The following CHCHD3 variants were observed in gnomAD, a reference collection of about 807,000 sequenced individuals.
CHCHD3 encodes the protein coiled-coil-helix-coiled-coil-helix domain containing 3.
CHCHD3 carries 20 observed loss-of-function variants against 38.2 expected under a neutral mutation model. That is an observed-to-expected ratio of 0.52 (90% CI 0.37 to 0.76). The LOEUF is 0.76. CHCHD3 is among the 30% of genes least tolerant of loss of function. The pLI is 0.00. For synonymous variants in CHCHD3, 82 were observed against 100.0 expected (o/e 0.82, Z 1.07); for missense variants, 245 against 279.2 (o/e 0.88, Z 0.87).
chr7:133,072,655 T>C (rs966119519), intron 1 of CHCHD3, among the ~76,000 whole-genome samples: 1 of 151,892 alleles, frequency 6.6e-6, no homozygotes, highest in Non-Finnish European at 1.5e-5. Context: ...CTGGCTAACA[T>C]GGTGAAACCC....
chr7:132,889,380 A>G (rs1809304311), intron 4 of CHCHD3, among the ~76,000 whole-genome samples: 1 of 152,142 alleles, frequency 6.6e-6, no homozygotes, highest in South Asian at 2.1e-4. Flanking sequence ...TTTAGAAAAC[A>G]CTAAGAGAAT....
At chr7:132,789,067 C>T (rs1192831019) in intron 7 of CHCHD3, among the ~76,000 whole-genome samples, 2 of 152,130 alleles carry the variant, frequency 1.3e-5, no homozygotes, top group Non-Finnish European at 2.9e-5. Flanking sequence ...TGGAGGGATC[C>T]GTAGTCTGGT....
At chr7:132,990,836 C>A (rs1812258737) in intron 3 of CHCHD3, among the ~76,000 whole-genome samples, 1 of 151,904 alleles carries the variant, frequency 6.6e-6, no homozygotes, top group South Asian at 2.1e-4. Context: ...TTTCAAAAGA[C>A]CTTCCAACTT....
chr7:132,800,722 T>C (rs1020279151), intron 6 of CHCHD3, among the ~76,000 whole-genome samples: 6 of 151,944 alleles, frequency 3.9e-5, no homozygotes, highest in African/African-American at 1.2e-4. Context: ...TCCCTGTACC[T>C]GAACCAGAAG....
chr7:133,060,992 G>C (rs531620578), intron 2 of CHCHD3, among the ~76,000 whole-genome samples: 108 of 151,088 alleles, frequency 7.1e-4, no homozygotes, highest in Middle Eastern at 3.4e-3. Flanking sequence ...CAACACAACA[G>C]ACAAAGGTCT....
At chr7:132,825,870 CCTT>C (rs1236237772) in intron 6 of CHCHD3, among the ~76,000 whole-genome samples, 2 of 152,192 alleles carry the variant, frequency 1.3e-5, no homozygotes, top group Non-Finnish European at 2.9e-5. Context: ...CTCTTCTCCT[CCTT>C]GCCAACACAC....
chr7:132,850,086 T>C (rs1029079147), intron 5 of CHCHD3, among the ~76,000 whole-genome samples: 5 of 152,212 alleles, frequency 3.3e-5, no homozygotes, highest in African/African-American at 1.2e-4. Flanking sequence ...TCAAATGCAA[T>C]GACACACTGG....
intron 5 of CHCHD3, among the ~76,000 whole-genome samples, chr7:132,877,865 T>C (rs549588537): frequency 1.3e-5 from 2 of 152,302 alleles, no homozygotes; most frequent in South Asian, 4.1e-4. Context: ...AAGTGCAAAC[T>C]AGTATAACCC....
chr7:133,072,015 T>A (rs1814831228), intron 1 of CHCHD3, among the ~76,000 whole-genome samples: 1 of 152,076 alleles, frequency 6.6e-6, no homozygotes, highest in South Asian at 2.1e-4. Flanking sequence ...TGCATTGTAG[T>A]GATGTTTGCA....
intron 3 of CHCHD3, among the ~76,000 whole-genome samples, chr7:133,015,212 G>A (rs545266537): frequency 1.3e-4 from 20 of 152,036 alleles, no homozygotes; most frequent in South Asian, 8.3e-4. Flanking sequence ...GTGTGGTGGC[G>A]CACACCTGTA....
At chr7:132,873,501 C>T (rs1808820154) in intron 5 of CHCHD3, among the ~76,000 whole-genome samples, 1 of 151,488 alleles carries the variant, frequency 6.6e-6, no homozygotes, top group African/African-American at 2.4e-5. Flanking sequence ...GCAACCTCTG[C>T]CTCCCAGGTT....
intron 3 of CHCHD3, among the ~76,000 whole-genome samples, chr7:133,019,485 C>T (rs1224254532): frequency 1.3e-5 from 2 of 152,110 alleles, no homozygotes; most frequent in Admixed American, 6.5e-5. Flanking sequence ...AAAAGGACTA[C>T]ACTATACTCT....
chr7:132,791,397 TG>T (rs766944298), intron 7 of CHCHD3, among the ~76,000 whole-genome samples: 1 of 152,142 alleles, frequency 6.6e-6, no homozygotes, highest in Non-Finnish European at 1.5e-5. Context: ...ATTTTGCACA[TG>T]AAAAAAATGA....
At chr7:132,831,445 GAGA>G (rs1554497512) in intron 6 of CHCHD3, among the ~76,000 whole-genome samples, 1 of 152,148 alleles carries the variant, frequency 6.6e-6, no homozygotes, top group Non-Finnish European at 1.5e-5. Context: ...ATACGTGTTA[GAGA>G]AGATGTTCAG....
intron 6 of CHCHD3, among the ~76,000 whole-genome samples, chr7:132,823,934 A>G (rs1807443866): frequency 6.6e-6 from 1 of 152,180 alleles, no homozygotes. Context: ...CTAATGCCCT[A>G]GGACTTCCCC....
Position 132,994,875 on chromosome 7 carries a change from G to A in CHCHD3, c.252-19589C>T, listed in dbSNP as rs2117378402. 2.0e-5 allele frequency among the ~76,000 whole-genome samples: 3 copies of A among 152,206 alleles called. No individual in the cohort carries two copies. The East Asian group carries it at 5.8e-4, about 29-fold the overall frequency. Reference sequence around the variant, plus strand: ...AAAGTCACCTTGGCATACACAGAGAGACCAACAGACAACATCAGCACCCAC... The same window carrying A: ...AAAGTCACCTTGGCATACACAGAGAAACCAACAGACAACATCAGCACCCAC... On this transcript the variant is annotated intron_variant, in intron 3 of 7. Coordinates refer to ENST00000262570, the MANE Select transcript of CHCHD3 (RefSeq NM_017812.4).
chr7:132,990,166 T>A (rs1812236320), intron 3 of CHCHD3, among the ~76,000 whole-genome samples: 2 of 151,986 alleles, frequency 1.3e-5, no homozygotes, highest in Non-Finnish European at 2.9e-5. Flanking sequence ...AGAGCGAAAC[T>A]CCATCTCAAA....
At chr7:132,879,797 T>G (rs917708319) in intron 5 of CHCHD3, among the ~76,000 whole-genome samples, 1 of 145,652 alleles carries the variant, frequency 6.9e-6, no homozygotes, top group African/African-American at 2.6e-5. Context: ...TGGAAGGCAG[T>G]ATTAATCAAA....
chr7:132,970,563 T>C (rs1040577713), intron 4 of CHCHD3, among the ~76,000 whole-genome samples: 1 of 152,222 alleles, frequency 6.6e-6, no homozygotes, highest in Non-Finnish European at 1.5e-5. Context: ...TTAGCATTTT[T>C]AAACATTATT....
Sources: gnomAD v4.1 joint callset for allele counts (sites outside exome capture counted in the v4.1 genomes callset) on GRCh38, gnomAD v4.1.1 for gene constraint, MANE v1.5 for transcripts, NCBI Gene and HGNC (gene_info 2026-07-23, HGNC 2026-07-21) for gene names.